Variants in NELL2 observed in about 807,000 individuals in gnomAD.
NELL2 encodes neural EGFL like 2.
NELL2 carries 41 observed loss-of-function variants against 109.6 expected under a neutral mutation model. The observed-to-expected ratio is 0.37, with a 90% CI of 0.29 to 0.49. NELL2 has a LOEUF of 0.49. NELL2 is among the 20% of genes least tolerant of loss of function. The pLI is 0.98. For synonymous variants in NELL2, 355 were observed against 344.7 expected, an observed-to-expected ratio of 1.03 and a Z score of -0.33; for missense variants, 900 against 1,008.3, an observed-to-expected ratio of 0.89 and a Z score of 1.45.
At chr12:44,657,024 G>A (rs542754236) in intron 13 of NELL2, among the ~76,000 whole-genome samples, 1 of 152,272 alleles carries the variant, frequency 6.6e-6, no homozygotes, top group South Asian at 2.1e-4. Context: ...AACACACAGA[G>A]CAATGTTTGA....
intron 15 of NELL2, among the ~76,000 whole-genome samples, chr12:44,536,643 AC>A (rs1649458154): frequency 6.6e-6 from 1 of 152,026 alleles, no homozygotes; most frequent in Admixed American, 6.6e-5. Flanking sequence ...AATCATAAGG[AC>A]CTTAACTTTT....
Position 44,886,874 on chromosome 12 carries a change from A to AT in NELL2, c.39-10975dup, listed in dbSNP as rs553230120. Among the ~76,000 whole-genome samples, 199 of 150,572 alleles carry AT rather than the reference A, an allele frequency of 1.3e-3. 3 individuals are homozygous for AT. The East Asian group carries it at 0.019, about 15-fold the overall frequency. ...TATAATCTCTGTCTTTATGAGATCT[A>AT]TTTTTTTTTAGCTCCCATATATGAG... is the stretch of plus-strand genomic sequence containing the variant. On this transcript the variant is annotated intron_variant, in intron 1 of 20. Coordinates refer to the NELL2 transcript ENST00000333837.
At chr12:44,734,429 GTTTAGTCTATGTATA>G (rs1316557550) in intron 9 of NELL2, among the ~76,000 whole-genome samples, 7 of 151,484 alleles carry the variant, frequency 4.6e-5, no homozygotes, top group East Asian at 1.9e-4. Context: ...TATTTTGAAT[GTTTAGTCTATGTATA>G]TTTAGTCTAT....
rs56916445 is a variant in NELL2 at position 44,736,514 on chromosome 12, C to CA, written c.995-21774dup. ...ATATGTATAATTGACCTTGCTTAAT[C>CA]AAAAAAAAAAAGACAGAAGTCATGA... On this transcript the variant is annotated intron_variant, in intron 9 of 19. Transcript: ENST00000429094. Among the ~76,000 whole-genome samples, 275 of 142,554 alleles carry CA rather than the reference C, an allele frequency of 1.9e-3. 2 individuals carry two copies. The East Asian group carries it at 0.039, about 20-fold the overall frequency. 93.5% of individuals were successfully genotyped at this position (142,554 alleles called of 152,430 possible). A position where few individuals can be genotyped will look rare whatever the true frequency, so the allele number is the denominator to read the frequency against.
intron 15 of NELL2, among the ~76,000 whole-genome samples, chr12:44,539,740 TTATCTC>T (rs1942463388): frequency 6.6e-6 from 1 of 152,190 alleles, no homozygotes; most frequent in African/African-American, 2.4e-5. Context: ...AATTTAATGT[TTATCTC>T]TAAGAGTAAA....
intron 9 of NELL2, among the ~76,000 whole-genome samples, chr12:44,744,841 C>G (rs764127049): frequency 1.6e-4 from 25 of 152,128 alleles, no homozygotes; most frequent in Non-Finnish European, 3.1e-4. Context: ...AGTCCAGGAC[C>G]AGATGGATTC....
intron 2 of NELL2, among the ~76,000 whole-genome samples, chr12:44,852,935 A>G (rs1001040791): frequency 1.3e-5 from 2 of 152,184 alleles, no homozygotes; most frequent in African/African-American, 4.8e-5. Context: ...GATAAGGATA[A>G]TGAAATTTTT....
At chr12:44,808,147 AC>A (rs1214309213) in intron 3 of NELL2, among the ~76,000 whole-genome samples, 1 of 152,104 alleles carries the variant, frequency 6.6e-6, no homozygotes, top group Non-Finnish European at 1.5e-5. Context: ...GCAGCAGTCA[AC>A]TGATTCATTC....
chr12:44,875,593 C>T, intron 1 of NELL2: 1 of 1,613,692 alleles, frequency 6.2e-7, no homozygotes, highest in South Asian at 1.1e-5. Flanking sequence ...GCAAAGTTCC[C>T]CCTCAGCCCT....
At chr12:44,545,296 T>A (rs1395712689) in intron 15 of NELL2, among the ~76,000 whole-genome samples, 1 of 152,194 alleles carries the variant, frequency 6.6e-6, no homozygotes, top group Non-Finnish European at 1.5e-5. Flanking sequence ...TTATTCATGT[T>A]AAGTATTTGA....
chr12:44,566,693 C>T (rs1486298252), intron 15 of NELL2, among the ~76,000 whole-genome samples: 3 of 152,160 alleles, frequency 2.0e-5, no homozygotes, highest in African/African-American at 7.2e-5. Context: ...TGACTGTGGT[C>T]TAAGACAAAT....
Position 44,823,112 on chromosome 12 carries a change from T to C in NELL2, c.185-6976A>G, listed in dbSNP as rs114844605. Among the ~76,000 whole-genome samples the C allele has an allele frequency of 3.4e-3, 511 of 152,312 alleles. 7 individuals are homozygous for C. The highest frequency in any genetic ancestry group is 0.012 in the African/African-American group (492 of 41,572). Reference sequence around the variant, plus strand: ...TTTTTTGGTGGCCAAATTTCTCTTCTTAATGGGATATAATTGACAAATTAA... The same window carrying C: ...TTTTTTGGTGGCCAAATTTCTCTTCCTAATGGGATATAATTGACAAATTAA... On this transcript the variant is annotated intron_variant, in intron 2 of 19. Coordinates refer to ENST00000429094, the MANE Select transcript of NELL2 (RefSeq NM_001145108.2).
intron 2 of NELL2, among the ~76,000 whole-genome samples, chr12:44,828,811 AC>A (rs1943796858): frequency 6.6e-6 from 1 of 152,274 alleles, no homozygotes; most frequent in East Asian, 1.9e-4. Context: ...AGTTCTGAAG[AC>A]TATTCTATTT....
At chr12:44,589,444 A>AC (rs1944664001) in intron 15 of NELL2, among the ~76,000 whole-genome samples, 1 of 151,818 alleles carries the variant, frequency 6.6e-6, no homozygotes, top group African/African-American at 2.4e-5. Flanking sequence ...TCCAGGCTGG[A>AC]GTGATCTCAG....
chr12:44,579,611 G>A (rs1004112181), intron 15 of NELL2, among the ~76,000 whole-genome samples: 1 of 152,134 alleles, frequency 6.6e-6, no homozygotes, highest in African/African-American at 2.4e-5. Flanking sequence ...TACTACTGCC[G>A]CCTTAAAACA....
chr12:44,515,084 A>G (rs1330455696), intron 19 of NELL2, among the ~76,000 whole-genome samples: 1 of 151,836 alleles, frequency 6.6e-6, no homozygotes, highest in Admixed American at 6.6e-5. Context: ...AGGTGTATAA[A>G]ATATAGATAG....
At chr12:44,761,965 G>C (rs934165907) in intron 9 of NELL2, among the ~76,000 whole-genome samples, 1 of 151,982 alleles carries the variant, frequency 6.6e-6, no homozygotes, top group African/African-American at 2.4e-5. Flanking sequence ...ACTAAAAGCT[G>C]AAACTTCAGC....
chr12:44,619,124 G>A (rs1176503469), intron 13 of NELL2, among the ~76,000 whole-genome samples: 1 of 152,156 alleles, frequency 6.6e-6, no homozygotes, highest in Non-Finnish European at 1.5e-5. Context: ...AGGCCGAACA[G>A]GTGGCTCTTG....
chr12:44,653,413 A>G (rs1406942813), intron 13 of NELL2, among the ~76,000 whole-genome samples: 2 of 152,196 alleles, frequency 1.3e-5, no homozygotes, highest in Non-Finnish European at 2.9e-5. Flanking sequence ...ATGCCACAAA[A>G]TGATCCTGGA....
Sources: allele counts gnomAD v4.1 joint callset (sites outside exome capture counted in the v4.1 genomes callset), GRCh38; gene constraint gnomAD v4.1.1; transcripts MANE v1.5; gene names NCBI Gene and HGNC (gene_info 2026-07-23, HGNC 2026-07-21).